GAN: variants seen among roughly 807,000 people sequenced by gnomAD.
GAN encodes the protein gigaxonin, also known as epididymis secretory sperm binding protein.
Under a neutral mutation model 71.3 loss-of-function variants are expected in GAN, and 48 were observed. The ratio of observed to expected loss-of-function variants is 0.67; its 90% confidence interval spans 0.53 to 0.86. The LOEUF (loss-of-function observed/expected upper bound fraction) is 0.86. Among genes scored for constraint, GAN ranks in the 40% least tolerant of loss-of-function variants. The pLI is 0.00. For synonymous variants in GAN, 386 were observed against 276.8 expected (o/e 1.39, Z -3.92); for missense variants, 928 against 770.1 (o/e 1.21, Z -2.43).
chr16:81,363,964 T>A (rs776119584), intron 7 of GAN, 21 bp downstream of exon 7: 2 of 1,592,794 alleles, frequency 1.3e-6, no homozygotes, highest in African/African-American at 2.7e-5. Context: ...CATTTTGTGA[T>A]AACTAGTCTG....
chr16:81,381,703 G>A lies in GAN; in HGVS notation c.*4107G>A, dbSNP rs940997857. 3.9e-5 allele frequency: 6 copies of A among 152,236 alleles called. No individual in the cohort carries two copies. The highest frequency in any genetic ancestry group is 1.4e-4 in the African/African-American group (6 of 41,460). 9.4% of individuals were successfully genotyped at this position (152,236 alleles called of 1,614,324 possible). On this transcript the variant is annotated 3_prime_UTR_variant, in exon 11 of 11. Coordinates refer to ENST00000648994, the MANE Select transcript of GAN (RefSeq NM_022041.4). ...AGGGCCCCGTCTTTGTCATCTGCCA[G>A]TCTCAGTGCTTGCACAGAGTAGGTA... is the stretch of plus-strand genomic sequence containing the variant.
intron 1 of GAN, among the ~76,000 whole-genome samples, chr16:81,332,475 T>C (rs1909614841): frequency 6.6e-6 from 1 of 152,242 alleles, no homozygotes; most frequent in South Asian, 2.1e-4. Context: ...TGTAGTCTTT[T>C]ACTGTAATGC....
rs1037194311 is a variant in GAN, at chr16:81,365,538, T to C, written c.1502+60T>C. ...TTTTTCTTTGTGCTTTCAGTCGTATTTTAGCTTTGTTTAGTTTTGTTTTCA... is the reference window on the plus strand; with the variant it reads ...TTTTTCTTTGTGCTTTCAGTCGTATCTTAGCTTTGTTTAGTTTTGTTTTCA... On this transcript the variant is annotated intron_variant, in intron 9 of 10. Coordinates refer to ENST00000648994, the MANE Select transcript of GAN (RefSeq NM_022041.4). 5.3e-6 allele frequency: 8 copies of C among 1,519,204 alleles called. No individual in the cohort carries two copies. The African/African-American group carries it at 1.1e-4, about 21-fold the overall frequency. 94.1% of individuals were successfully genotyped at this position (1,519,204 alleles called of 1,614,324 possible). A position where few individuals can be genotyped will look rare whatever the true frequency, so the allele number is the denominator to read the frequency against.
chr16:81,329,386 T>C (rs920052426), intron 1 of GAN, among the ~76,000 whole-genome samples: 17 of 152,172 alleles, frequency 1.1e-4, no homozygotes, highest in Non-Finnish European at 1.8e-4. Flanking sequence ...TCTCTACTTA[T>C]ATTGGAAAAA....
Position 81,347,569 on chromosome 16 carries a change from G to A in GAN, c.168-4014G>A, listed in dbSNP as rs543236035. Among the ~76,000 whole-genome samples, 189 of 152,086 alleles carry A rather than the reference G, an allele frequency of 1.2e-3. 1 individual carries two copies. The highest frequency in any genetic ancestry group is 4.8e-3 in the Admixed American group (73 of 15,282). The stretch of plus-strand genomic sequence containing the variant: ...GGGGCACATTTTCTAACACCATCCC[G>A]AGAAAGGTTGCATGGGAAGTAAATT... On this transcript the variant is annotated intron_variant, in intron 1 of 10. Coordinates refer to ENST00000648994, the MANE Select transcript of GAN (RefSeq NM_022041.4).
rs77507036 is a variant in GAN, at chr16:81,370,260, G to A, written c.1502+4782G>A. On this transcript the variant is annotated intron_variant, in intron 9 of 10. Transcript: ENST00000648994. ...CACATTGTGCTGTTTGTATCTTATG[G>A]TTAGGAAGAAACAGGTACTTTCAGA... Among the ~76,000 whole-genome samples the A allele has an allele frequency of 5.0e-3, 754 of 152,280 alleles. 26 individuals are homozygous for A. In the East Asian group the frequency reaches 0.067, roughly 14 times the overall value.
At chr16:81,368,666 G>C (rs911439550) in intron 9 of GAN, among the ~76,000 whole-genome samples, 1 of 151,956 alleles carries the variant, frequency 6.6e-6, no homozygotes, top group Non-Finnish European at 1.5e-5. Context: ...CAGTTGCCAG[G>C]TCTGGTCCTT....
chr16:81,339,366 TG>T (rs1909868206), intron 1 of GAN, among the ~76,000 whole-genome samples: 1 of 152,260 alleles, frequency 6.6e-6, no homozygotes, highest in Non-Finnish European at 1.5e-5. Flanking sequence ...GTTTTTGATC[TG>T]GTTCAGCTTT....
chr16:81,349,300 G>T (rs75796786), intron 1 of GAN, among the ~76,000 whole-genome samples: 1 of 152,010 alleles, frequency 6.6e-6, no homozygotes, highest in South Asian at 2.1e-4. Context: ...GCTAAATTAG[G>T]ATTAAGTTTC....
rs535723482 is a variant in GAN at position 81,370,763 on chromosome 16, C to A, written c.1502+5285C>A. Reference sequence around the variant, plus strand: ...TGTGAACAAAAGACCAGCTTCTACACTGGGTTCATTTCTCCCTAGTATTTT... The same window carrying A: ...TGTGAACAAAAGACCAGCTTCTACAATGGGTTCATTTCTCCCTAGTATTTT... On this transcript the variant is annotated intron_variant, in intron 9 of 10. Coordinates refer to ENST00000648994, the MANE Select transcript of GAN (RefSeq NM_022041.4). Among the ~76,000 whole-genome samples, 9 of 152,402 alleles carry A rather than the reference C, an allele frequency of 5.9e-5. No homozygotes were observed. The East Asian group carries it at 1.7e-3, about 29-fold the overall frequency.
At chr16:81,315,436 G>A (rs1909000575) in intron 1 of GAN, among the ~76,000 whole-genome samples, 156 bp downstream of exon 1, 2 of 151,792 alleles carry the variant, frequency 1.3e-5, no homozygotes, top group African/African-American at 4.8e-5. Flanking sequence ...GCAAGCGCCG[G>A]AACCCGGCCC....
chr16:81,377,482 C>T lies in GAN; in HGVS notation c.1680C>T (p.Leu560=), dbSNP rs148281136. The change falls in exon 11 of 11, where the codon CTC becomes CTT. Residue 560 remains leucine, a synonymous_variant. Coordinates refer to ENST00000648994, the MANE Select transcript of GAN (RefSeq NM_022041.4). ...STGTWHHTKP[L]LPSDLRRTGC... is the part of the protein sequence containing the mutation. Reference sequence around the variant, plus strand: ...GAACCTGGCACCACACTAAACCACTCCTTCCATCCGACCTTCGCCGTACAG... The same window carrying T: ...GAACCTGGCACCACACTAAACCACTTCTTCCATCCGACCTTCGCCGTACAG... 3.7e-6 allele frequency: 6 copies of T among 1,613,950 alleles called. No homozygotes were observed. In the East Asian group the frequency reaches 1.3e-4, roughly 36 times the overall value.
At chr16:81,377,110 A>C in intron 9 of GAN, 109 bp from the exon 10 acceptor site, 1 of 795,268 alleles carries the variant, frequency 1.3e-6, no homozygotes, top group Admixed American at 1.7e-5. Context: ...CGAGATTGGC[A>C]CAGTGCCTGA....
chr16:81,340,530 C>G (rs371792765), intron 1 of GAN, among the ~76,000 whole-genome samples: 4 of 152,226 alleles, frequency 2.6e-5, no homozygotes, highest in African/African-American at 9.6e-5. Context: ...CCCCACAGAC[C>G]TGCAGCTGAG....
chr16:81,360,064 TGG>T (rs1910623964), intron 5 of GAN, among the ~76,000 whole-genome samples: 5 of 149,264 alleles, frequency 3.3e-5, no homozygotes, highest in Admixed American at 2.7e-4. Flanking sequence ...GATGGATGGA[TGG>T]ATAGATGGAT....
intron 5 of GAN, among the ~76,000 whole-genome samples, chr16:81,360,929 CATT>C (rs1422313488): frequency 2.0e-5 from 3 of 152,110 alleles, no homozygotes; most frequent in Non-Finnish European, 4.4e-5. Flanking sequence ...ATTTATTAAA[CATT>C]ATTTGTAGCA....
intron 1 of GAN, among the ~76,000 whole-genome samples, chr16:81,326,582 A>G (rs911760322): frequency 1.3e-5 from 2 of 152,244 alleles, no homozygotes; most frequent in African/African-American, 4.8e-5. Context: ...TACAGTCAGC[A>G]TTGCTTAATG....
chr16:81,360,697 A>G (rs1365356365), intron 5 of GAN, among the ~76,000 whole-genome samples: 2 of 151,862 alleles, frequency 1.3e-5, no homozygotes, highest in East Asian at 3.9e-4. Context: ...TCTTCCAGTT[A>G]ATTTTTATTT....
chr16:81,336,338 C>T (rs1443019219), intron 1 of GAN, among the ~76,000 whole-genome samples: 1 of 152,188 alleles, frequency 6.6e-6, no homozygotes, highest in Non-Finnish European at 1.5e-5. Context: ...TATTTTTCCA[C>T]CCACAAAAGT....
Sources: gnomAD v4.1 joint callset for allele counts (sites outside exome capture counted in the v4.1 genomes callset) on GRCh38, gnomAD v4.1.1 for gene constraint, MANE v1.5 for transcripts, NCBI Gene and HGNC (gene_info 2026-07-23, HGNC 2026-07-21) for gene names.